SH2D3C: variants seen among roughly 807,000 people sequenced by gnomAD.
SH2D3C encodes the protein SH2 domain containing 3C, also known as SH2 domain-containing protein 3C.
A neutral mutation model predicts 75.2 loss-of-function variants in SH2D3C; 25 were observed. The ratio of observed to expected loss-of-function variants is 0.33; its 90% CI spans 0.24 to 0.46. The LOEUF (loss-of-function observed/expected upper bound fraction) is 0.46, where lower values mean the gene tolerates loss of function less well. Among genes scored for constraint, SH2D3C ranks in the 20% least tolerant of loss-of-function variants. The pLI is 1.00. For missense variants in SH2D3C, 933 were observed against 1,165.3 expected (o/e 0.80, Z 2.90); for synonymous variants, 450 against 473.7 (o/e 0.95, Z 0.65).
rs779992338 is a variant in SH2D3C at position 127,739,718 on chromosome 9, C to G, written c.2371G>C (p.Gly791Arg). The G allele has an allele frequency of 6.2e-7, 1 of 1,610,924 alleles. No individual in the cohort carries two copies. The highest frequency in any genetic ancestry group is 2.2e-5 in the East Asian group (1 of 44,868). The part of the protein sequence containing the change: ...EAARTVAHHG[G>R]LYHTNAEVKL... Reference sequence around the variant, plus strand: ...ACTTCAGCATTGGTGTGGTACAGGCCTCCGTGGTGTGCCACTGTGCGGGCG... The same window carrying G: ...ACTTCAGCATTGGTGTGGTACAGGCGTCCGTGGTGTGCCACTGTGCGGGCG... Residue 791 changes from glycine to arginine, a missense_variant, in exon 11 of 12, where the codon GGC (glycine) becomes CGC (arginine). Coordinates refer to ENST00000314830, the MANE Select transcript of SH2D3C (RefSeq NM_170600.3). The surrounding 1 kb of genome is among the most constrained non-coding windows in gnomAD (Gnocchi z 4.3).
chr9:127,759,400 G>C (rs1011050403), intron 3 of SH2D3C, among the ~76,000 whole-genome samples: 1 of 152,160 alleles, frequency 6.6e-6, no homozygotes, highest in Non-Finnish European at 1.5e-5. Flanking sequence ...ATTTTTAGTA[G>C]AGATAGGATT....
intron 1 of SH2D3C, among the ~76,000 whole-genome samples, chr9:127,777,969 T>C (rs1292962340): frequency 6.7e-6 from 1 of 149,912 alleles, no homozygotes; most frequent in African/African-American, 2.5e-5. Context: ...AAAAAAAAAA[T>C]CAGTTTTATT....
Position 127,754,810 on chromosome 9 carries a change from C to A in SH2D3C, c.556-3510G>T, listed in dbSNP as rs1246594767. 1 of 483,996 alleles carries A rather than the reference C, an allele frequency of 2.1e-6. No homozygotes were observed. Among genetic ancestry groups the A allele is most frequent in the Non-Finnish European group, 4.2e-6 (1 of 235,942 alleles). 30.0% of individuals were successfully genotyped at this position (483,996 alleles called of 1,614,324 possible). A position where few individuals can be genotyped will look rare whatever the true frequency, so the allele number is the denominator to read the frequency against. Reference sequence around the variant, plus strand: ...AGTCCCCCCTGCCCCAGCTCTCTCCCTCCTGCGGAGGAGGCAGAAACGGAC... The same window carrying A: ...AGTCCCCCCTGCCCCAGCTCTCTCCATCCTGCGGAGGAGGCAGAAACGGAC... On this transcript the variant is annotated intron_variant, in intron 3 of 11. Coordinates refer to ENST00000314830, the MANE Select transcript of SH2D3C (RefSeq NM_170600.3). This position sits in a 1 kb window ranked among gnomAD's most constrained non-coding sequence, Gnocchi z 4.4.
At chr9:127,742,745 C>T in intron 8 of SH2D3C, 104 bp downstream of exon 8, 1 of 785,214 alleles carries the variant, frequency 1.3e-6, no homozygotes, top group Non-Finnish European at 2.0e-6. Flanking sequence ...CCAGAGCCCC[C>T]TGGGAGCCGA....
chr9:127,773,869 G>A (rs1845771586), intron 2 of SH2D3C, 121 bp downstream of exon 2: 2 of 634,414 alleles, frequency 3.2e-6, no homozygotes, highest in Middle Eastern at 4.3e-4. Context: ...AGTGAACCGG[G>A]ATCACACCAC....
chr9:127,763,374 T>G (rs773516318), intron 2 of SH2D3C, among the ~76,000 whole-genome samples: 3 of 152,226 alleles, frequency 2.0e-5, no homozygotes, highest in Non-Finnish European at 4.4e-5. Context: ...AAATCACCAC[T>G]GAGACCCAGT....
chr9:127,771,118 T>G, intron 2 of SH2D3C: 1 of 1,247,660 alleles, frequency 8.0e-7, no homozygotes, highest in Non-Finnish European at 1.1e-6. Context: ...GCCCCAGGGG[T>G]GCAGATTTCC....
In SH2D3C at chr9:127,761,624, C is replaced by A; in HGVS notation, c.542G>T (p.Ser181Ile). Residue 181 changes from serine (S) to isoleucine (I), a missense_variant, in exon 3 of 12, where the codon AGC becomes ATC. Coordinates refer to ENST00000314830, the MANE Select transcript of SH2D3C (RefSeq NM_170600.3). ...AGCCCCTCCTACCTTCACATAGTCG[C>A]TGCCAGCCTCTGGCTCTCCAGCAGC... ...ERAAGEPEAG[S>I]DYVKFSKEKY... 1 of 1,612,344 alleles carries A rather than the reference C, an allele frequency of 6.2e-7. No individual in the cohort carries two copies. The highest frequency in any genetic ancestry group is 1.3e-5 in the African/African-American group (1 of 74,992).
chr9:127,771,955 G>A (rs1845746245), intron 2 of SH2D3C, among the ~76,000 whole-genome samples: 1 of 152,178 alleles, frequency 6.6e-6, no homozygotes, highest in South Asian at 2.1e-4. Flanking sequence ...ACCCGACCAG[G>A]TAGATGCTAT....
intron 2 of SH2D3C, among the ~76,000 whole-genome samples, chr9:127,765,990 A>G (rs181620860): frequency 7.9e-5 from 12 of 152,336 alleles, no homozygotes; most frequent in Admixed American, 7.8e-4. Flanking sequence ...CACTTATTGC[A>G]TACATTAGCT....
rs55932444 is a variant in SH2D3C at position 127,774,205 on chromosome 9, C to A, written c.300G>T (p.Ala100=). The change falls in exon 2 of 12, where the codon GCG becomes GCT. Residue 100 remains alanine, a synonymous_variant. Transcript: ENST00000314830. This position sits in a 1 kb window ranked among gnomAD's most constrained non-coding sequence, Gnocchi z 4.3. ...NSQAARQAQE[A]GPKPNLVPGG... is the part of the protein sequence containing the mutation. ...CGGGTACCAAGTTGGGCTTGGGACC[C>A]GCCTCCTGGGCCTGCCGGGCAGCCT... 383 of 1,613,774 alleles carry A rather than the reference C, an allele frequency of 2.4e-4. 1 individual carries two copies. In the African/African-American group the frequency reaches 4.0e-3, roughly 17 times the overall value.
rs185719042 is a variant in SH2D3C, at chr9:127,745,435, G to A, written c.1265-336C>T. ...GTGCCACATGTGATTGTTTCTCGAC[G>A]AATTAGCAATAATGATTTCCTTTTT... On this transcript the variant is annotated intron_variant, in intron 6 of 11. Coordinates refer to ENST00000314830, the MANE Select transcript of SH2D3C (RefSeq NM_170600.3). Among the ~76,000 whole-genome samples the A allele has an allele frequency of 6.7e-4, 98 of 146,906 alleles. No homozygotes were observed. The East Asian group carries it at 0.012, about 18-fold the overall frequency.
In SH2D3C at chr9:127,742,887, GA is replaced by G; in HGVS notation, c.1877del (p.Leu626ProfsTer9). ...GVRWGMELLT[L>X]PHGRQLRLDL... is the part of the protein sequence containing the mutation. ...CTAGGCGTAGCTGCCGGCCATGGGGGAGGGTGAGCAGTTCCATGCCCCAGCG... is the reference window on the plus strand; with the variant it reads ...CTAGGCGTAGCTGCCGGCCATGGGGGGGGTGAGCAGTTCCATGCCCCAGCG... On this transcript the variant is annotated frameshift_variant, in exon 8 of 12. Transcript: ENST00000314830. LOFTEE classifies it high-confidence loss of function. 1 of 1,613,936 alleles carries G rather than the reference GA, an allele frequency of 6.2e-7. No homozygotes were observed. The highest frequency in any genetic ancestry group is 8.5e-7 in the Non-Finnish European group (1 of 1,179,918).
chr9:127,740,237 G>A (rs1844813631), intron 10 of SH2D3C, 21 bp downstream of exon 10: 2 of 1,600,266 alleles, frequency 1.2e-6, no homozygotes, highest in African/African-American at 1.3e-5. Context: ...GCCTGTCCAA[G>A]GTCACGCAAC....
chr9:127,774,671 T>C lies in SH2D3C; in HGVS notation c.38-204A>G, dbSNP rs1239320395. ...TCACGGGGCCCTGGACTTGAATTCC[T>C]GCTCTTTCACATCCTAGCTGTGTGA... On this transcript the variant is annotated intron_variant, in intron 1 of 11. Coordinates refer to ENST00000314830, the MANE Select transcript of SH2D3C (RefSeq NM_170600.3). The surrounding 1 kb of genome is among the most constrained non-coding windows in gnomAD (Gnocchi z 4.3). Among the ~76,000 whole-genome samples the C allele has an allele frequency of 6.6e-6, 1 of 152,210 alleles. No homozygotes were observed. Among genetic ancestry groups the C allele is most frequent in the African/African-American group, 2.4e-5 (1 of 41,458 alleles).
Position 127,742,914 on chromosome 9 carries a change from G to A in SH2D3C, c.1851C>T (p.Val617=), listed in dbSNP as rs779621656. Reference sequence around the variant, plus strand: ...GGGTGAGCAGTTCCATGCCCCAGCGGACTCCCATTAGGGTCTGCATCTCCT... The same window carrying A: ...GGGTGAGCAGTTCCATGCCCCAGCGAACTCCCATTAGGGTCTGCATCTCCT... The part of the protein sequence containing the change: ...VTKEMQTLMG[V]RWGMELLTLP... The change falls in exon 8 of 12, where the codon GTC becomes GTT. Residue 617 remains valine, a synonymous_variant. Coordinates refer to ENST00000314830, the MANE Select transcript of SH2D3C (RefSeq NM_170600.3). 8 of 1,614,064 alleles carry A rather than the reference G, an allele frequency of 5.0e-6. No homozygotes were observed. The highest frequency in any genetic ancestry group is 1.7e-5 in the Admixed American group (1 of 60,016).
chr9:127,763,533 A>G (rs1845576985), intron 2 of SH2D3C, among the ~76,000 whole-genome samples: 1 of 152,192 alleles, frequency 6.6e-6, no homozygotes, highest in South Asian at 2.1e-4. Context: ...AAAGAAAGAA[A>G]TATTGCTTAA....
At position 127,744,590 on chromosome 9, in the gene SH2D3C, G is replaced by A. The variant is rs148888927; in HGVS notation, c.1774C>T (p.Arg592Trp). ...AGGCAGTCCACCTTGGTGACATGCC[G>A]GGCCAGCGTCCGGGCATCCACTTCT... The part of the protein sequence containing the change: ...LAEVDARTLA[R>W]HVTKVDCLVA... Residue 592 changes from arginine to tryptophan, a missense_variant, in exon 7 of 12, where the codon CGG becomes TGG. Physicochemically the swap from Arg to Trp is moderately radical, Grantham distance 101. Transcript: ENST00000314830. 5.4e-5 allele frequency: 87 copies of A among 1,610,912 alleles called. No homozygotes were observed. Among genetic ancestry groups the A allele is most frequent in the African/African-American group, 2.7e-4 (20 of 74,858 alleles).
chr9:127,771,565 T>A (rs866911948), intron 2 of SH2D3C: 12 of 327,344 alleles, frequency 3.7e-5, no homozygotes, highest in Admixed American at 5.1e-5. Flanking sequence ...CCCCAGCAGC[T>A]CTCCGCGCAG....
Sources: allele counts gnomAD v4.1 joint callset (sites outside exome capture counted in the v4.1 genomes callset), GRCh38; gene constraint gnomAD v4.1.1; non-coding constraint Gnocchi (gnomAD v3.1); transcripts MANE v1.5; gene names NCBI Gene and HGNC (gene_info 2026-07-23, HGNC 2026-07-21).